MGMT: variants seen among roughly 807,000 people sequenced by gnomAD.
The protein encoded by MGMT is O-6-methylguanine-DNA methyltransferase.
A neutral mutation model predicts 15.9 loss-of-function variants in MGMT; 14 were observed. The ratio of observed to expected loss-of-function variants is 0.88; its 90% CI spans 0.58 to 1.37. The LOEUF is 1.37. Ranked by LOEUF, MGMT falls within the 40% of genes most tolerant of loss-of-function variation. The probability of loss-of-function intolerance (pLI) is 0.00; values close to 1 mark genes in which losing one functional copy is unlikely to be tolerated. For synonymous variants in MGMT, 130 were observed against 118.2 expected, an observed-to-expected ratio of 1.10 and a Z score of -0.65; for missense variants, 282 against 268.1, an observed-to-expected ratio of 1.05 and a Z score of -0.36.
intron 2 of MGMT, among the ~76,000 whole-genome samples, chr10:129,606,187 T>A (rs1312957323): frequency 6.6e-6 from 1 of 152,208 alleles, no homozygotes; most frequent in Non-Finnish European, 1.5e-5. Flanking sequence ...TAATGCAAGT[T>A]AAATTGAGAC....
intron 2 of MGMT, among the ~76,000 whole-genome samples, chr10:129,568,643 T>C (rs1399420440): frequency 6.6e-6 from 1 of 152,198 alleles, no homozygotes; most frequent in Admixed American, 6.5e-5. Flanking sequence ...AAAATATCTT[T>C]TAAAGTCTCC....
At chr10:129,675,440 G>A (rs1228255096) in intron 2 of MGMT, among the ~76,000 whole-genome samples, 1 of 152,208 alleles carries the variant, frequency 6.6e-6, no homozygotes, top group African/African-American at 2.4e-5. Context: ...GGAAGAGTTA[G>A]GAGTGAAAAC....
chr10:129,563,099 G>A (rs547753596), intron 2 of MGMT, among the ~76,000 whole-genome samples: 41 of 152,340 alleles, frequency 2.7e-4, no homozygotes, highest in Non-Finnish European at 4.0e-4. Context: ...TTGTGAGCAC[G>A]TTTAAGGCAG....
chr10:129,646,779 T>C (rs1395089298), intron 2 of MGMT, among the ~76,000 whole-genome samples: 1 of 138,582 alleles, frequency 7.2e-6, no homozygotes, highest in Non-Finnish European at 1.5e-5. Context: ...TAGAGAACAG[T>C]GGAGAAGTAG....
chr10:129,755,628 C>T (rs1440264427), intron 3 of MGMT, among the ~76,000 whole-genome samples: 1 of 152,218 alleles, frequency 6.6e-6, no homozygotes, highest in African/African-American at 2.4e-5. Flanking sequence ...AAGGAGACTC[C>T]TCCTCAAGAA....
intron 2 of MGMT, among the ~76,000 whole-genome samples, chr10:129,690,825 C>T (rs1847961542): frequency 6.6e-6 from 1 of 152,118 alleles, no homozygotes; most frequent in African/African-American, 2.4e-5. Context: ...AGCCCCAGGC[C>T]AGACTGCAGG....
intron 2 of MGMT, among the ~76,000 whole-genome samples, chr10:129,699,776 ACCT>A (rs1275315991): frequency 6.6e-6 from 1 of 151,920 alleles, no homozygotes; most frequent in Non-Finnish European, 1.5e-5. Context: ...CTCCAGGAAG[ACCT>A]CCTGTTTACT....
At chr10:129,615,308 C>T (rs1309377757) in intron 2 of MGMT, among the ~76,000 whole-genome samples, 1 of 152,206 alleles carries the variant, frequency 6.6e-6, no homozygotes, top group East Asian at 1.9e-4. Context: ...GCAGACGCCT[C>T]CCTGGTGAGG....
At chr10:129,695,282 A>G (rs1848017521) in intron 2 of MGMT, among the ~76,000 whole-genome samples, 1 of 152,248 alleles carries the variant, frequency 6.6e-6, no homozygotes, top group Admixed American at 6.5e-5. Flanking sequence ...GTTCCCGGAT[A>G]AAATTGCAGT....
At chr10:129,525,579 T>G (rs1360002841) in intron 1 of MGMT, among the ~76,000 whole-genome samples, 2 of 152,082 alleles carry the variant, frequency 1.3e-5, no homozygotes, top group Non-Finnish European at 2.9e-5. Flanking sequence ...GTTGTTAGAG[T>G]ATTCTTTACA....
chr10:129,594,670 C>T (rs1846729542), intron 2 of MGMT, among the ~76,000 whole-genome samples: 1 of 152,176 alleles, frequency 6.6e-6, no homozygotes, highest in South Asian at 2.1e-4. Flanking sequence ...ACAATACGAA[C>T]AGTAACACCC....
chr10:129,688,575 G>C (rs1847936238), intron 2 of MGMT, among the ~76,000 whole-genome samples: 3 of 152,050 alleles, frequency 2.0e-5, no homozygotes, highest in Admixed American at 2.0e-4. Flanking sequence ...TAAATTCTTT[G>C]TAGATCCTGG....
chr10:129,602,089 T>C (rs1009976036), intron 2 of MGMT, among the ~76,000 whole-genome samples: 6 of 152,206 alleles, frequency 3.9e-5, no homozygotes, highest in Non-Finnish European at 5.9e-5. Context: ...TTTTTACAGT[T>C]TATGGAACTA....
chr10:129,698,495 T>C (rs576198368), intron 2 of MGMT, among the ~76,000 whole-genome samples: 3 of 152,330 alleles, frequency 2.0e-5, no homozygotes, highest in Admixed American at 2.0e-4. Context: ...TTTATATCTT[T>C]ACAGATATAC....
chr10:129,500,660 G>A (rs376308188), intron 1 of MGMT, among the ~76,000 whole-genome samples: 47 of 152,104 alleles, frequency 3.1e-4, no homozygotes, highest in African/African-American at 1.0e-3. Context: ...AGCAATCCTC[G>A]CACCTCAGCC....
intron 1 of MGMT, among the ~76,000 whole-genome samples, chr10:129,494,083 T>C (rs1845496109): frequency 6.6e-6 from 1 of 152,226 alleles, no homozygotes; most frequent in Non-Finnish European, 1.5e-5. Context: ...AGACTCTGTC[T>C]TAAAGAATTA....
intron 2 of MGMT, among the ~76,000 whole-genome samples, chr10:129,542,318 G>A (rs1022503797): frequency 2.0e-5 from 3 of 152,124 alleles, no homozygotes; most frequent in South Asian, 2.1e-4. Context: ...CGTGCAGGTC[G>A]GTCTGACCAG....
rs754520200 is a variant in MGMT at position 129,467,269 on chromosome 10, C to A, written c.-40C>A. 1.9e-6 allele frequency: 3 copies of A among 1,544,036 alleles called. No homozygotes were observed. The South Asian group carries it at 3.6e-5, about 18-fold the overall frequency. On this transcript the variant is annotated 5_prime_UTR_variant, in exon 1 of 5. Coordinates refer to ENST00000651593, the MANE Select transcript of MGMT (RefSeq NM_002412.5). ...GCTTTGCGTCCCGACGCCCGCAGGT[C>A]CTCGCGGTGCGCACCGTTTGCGACT...
intron 2 of MGMT, among the ~76,000 whole-genome samples, chr10:129,537,353 G>A (rs932954222): frequency 6.6e-6 from 1 of 152,132 alleles, no homozygotes; most frequent in African/African-American, 2.4e-5. Context: ...TTTTCCTGTA[G>A]AGCTGCACGT....
Sources: gnomAD v4.1 joint callset for allele counts (sites outside exome capture counted in the v4.1 genomes callset) on GRCh38, gnomAD v4.1.1 for gene constraint, MANE v1.5 for transcripts, NCBI Gene and HGNC (gene_info 2026-07-23, HGNC 2026-07-21) for gene names.